The following FANCC variants were observed in gnomAD, a reference collection of about 807,000 sequenced individuals.
FANCC encodes the protein FA complementation group C, also known as Fanconi anemia group C protein.
FANCC carries 55 observed loss-of-function variants against 71.3 expected under a neutral mutation model. That is an observed-to-expected ratio of 0.77 (90% CI 0.62 to 0.97). FANCC has a LOEUF of 0.97. Among genes scored for constraint, FANCC ranks in the 50% least tolerant of loss-of-function variants. The pLI is 0.00. For synonymous variants in FANCC, 275 were observed against 244.9 expected, an observed-to-expected ratio of 1.12 and a Z score of -1.15; for missense variants, 678 against 670.9, an observed-to-expected ratio of 1.01 and a Z score of -0.12.
chr9:95,179,219 T>C (rs1426567437), intron 4 of FANCC, among the ~76,000 whole-genome samples: 5 of 152,206 alleles, frequency 3.3e-5, no homozygotes, highest in African/African-American at 4.8e-5. Flanking sequence ...AAAGAGACCT[T>C]GTAGTTAGCA....
At chr9:95,174,258 T>C (rs1224716085) in intron 4 of FANCC, among the ~76,000 whole-genome samples, 6 of 152,100 alleles carry the variant, frequency 3.9e-5, no homozygotes, top group Non-Finnish European at 7.4e-5. Flanking sequence ...TGTCTTCACA[T>C]GGTGAAAGGG....
chr9:95,215,526 G>A (rs561357581), intron 4 of FANCC, among the ~76,000 whole-genome samples: 90 of 152,312 alleles, frequency 5.9e-4, no homozygotes, highest in Non-Finnish European at 8.8e-4. Context: ...TCCTCCCCCC[G>A]AAAGGTGGGG....
intron 1 of FANCC, among the ~76,000 whole-genome samples, chr9:95,276,910 T>C (rs980203906): frequency 6.6e-6 from 1 of 152,232 alleles, no homozygotes; most frequent in African/African-American, 2.4e-5. Flanking sequence ...CTTTTACTAC[T>C]ATTTTCGCAA....
At chr9:95,223,422 A>G (rs1829406182) in intron 4 of FANCC, among the ~76,000 whole-genome samples, 1 of 152,184 alleles carries the variant, frequency 6.6e-6, no homozygotes, top group South Asian at 2.1e-4. Flanking sequence ...TCCCCTCTTT[A>G]TAAAGACAAG....
At chr9:95,245,667 C>A (rs1201488059) in intron 3 of FANCC, among the ~76,000 whole-genome samples, 1 of 151,764 alleles carries the variant, frequency 6.6e-6, no homozygotes, top group Admixed American at 6.6e-5. Flanking sequence ...GAGGTCGAGG[C>A]GGGTGAATCG....
intron 1 of FANCC, among the ~76,000 whole-genome samples, chr9:95,298,421 G>A (rs923485590): frequency 2.6e-5 from 4 of 152,196 alleles, no homozygotes; most frequent in African/African-American, 9.7e-5. Flanking sequence ...TAGGCAGTGG[G>A]TATGTGAGGA....
At chr9:95,205,636 C>T (rs1828076733) in intron 4 of FANCC, among the ~76,000 whole-genome samples, 1 of 151,358 alleles carries the variant, frequency 6.6e-6, no homozygotes. Context: ...ACATTTATTA[C>T]TTAAAATAAC....
chr9:95,215,670 C>G (rs933217943), intron 4 of FANCC, among the ~76,000 whole-genome samples: 1 of 152,188 alleles, frequency 6.6e-6, no homozygotes, highest in East Asian at 1.9e-4. Flanking sequence ...CTTGGGGACA[C>G]TCTCATGAAA....
At chr9:95,179,504 G>A (rs547361340) in intron 4 of FANCC, among the ~76,000 whole-genome samples, 3 of 152,090 alleles carry the variant, frequency 2.0e-5, no homozygotes, top group Admixed American at 6.5e-5. Flanking sequence ...GTGCCACCAC[G>A]CCCAGCTAAT....
chr9:95,111,382 CA>C lies in FANCC; in HGVS notation c.1329+80del, dbSNP rs1351569925. 13 of 1,597,144 alleles carry C rather than the reference CA, an allele frequency of 8.1e-6. No homozygotes were observed. The Admixed American group carries it at 1.8e-4, about 23-fold the overall frequency. On this transcript the variant is annotated intron_variant, in intron 13 of 14. Coordinates refer to ENST00000289081, the MANE Select transcript of FANCC (RefSeq NM_000136.3). The stretch of plus-strand genomic sequence containing the variant: ...GCTCAGGTGTCATGGAAGCCAAGCC[CA>C]CAACAGAGCCCCTCTCTGCAAGCTC...
At chr9:95,228,519 G>C (rs765559570) in intron 4 of FANCC, among the ~76,000 whole-genome samples, 5 of 152,164 alleles carry the variant, frequency 3.3e-5, no homozygotes, top group Non-Finnish European at 5.9e-5. Flanking sequence ...AATAATCACT[G>C]AACGCTTACT....
At chr9:95,202,668 T>C (rs1349275271) in intron 4 of FANCC, among the ~76,000 whole-genome samples, 2 of 152,206 alleles carry the variant, frequency 1.3e-5, no homozygotes, top group African/African-American at 4.8e-5. Flanking sequence ...TCTAAAGGAT[T>C]GGTTACAAAG....
At chr9:95,195,364 C>G (rs1302089906) in intron 4 of FANCC, among the ~76,000 whole-genome samples, 1 of 151,588 alleles carries the variant, frequency 6.6e-6, no homozygotes, top group Non-Finnish European at 1.5e-5. Flanking sequence ...TGCAAAAGCA[C>G]CATTTGTTGA....
intron 10 of FANCC, among the ~76,000 whole-genome samples, chr9:95,124,360 G>C (rs1331478637): frequency 6.6e-6 from 1 of 152,172 alleles, no homozygotes; most frequent in Non-Finnish European, 1.5e-5. Flanking sequence ...AAATATATAT[G>C]CTGAAAGGTG....
At chr9:95,153,973 T>C (rs1020464474) in intron 6 of FANCC, among the ~76,000 whole-genome samples, 1 of 152,060 alleles carries the variant, frequency 6.6e-6, no homozygotes, top group Non-Finnish European at 1.5e-5. Context: ...GGGCTGGGTG[T>C]GGTGGCTCAT....
chr9:95,301,422 T>C (rs906327518), intron 1 of FANCC, among the ~76,000 whole-genome samples: 2 of 151,310 alleles, frequency 1.3e-5, no homozygotes, highest in Non-Finnish European at 2.9e-5. Flanking sequence ...GGGTTTTTTG[T>C]TTTTTTTGGT....
intron 10 of FANCC, among the ~76,000 whole-genome samples, chr9:95,118,579 C>T (rs1338247034): frequency 2.0e-5 from 3 of 152,202 alleles, no homozygotes; most frequent in Non-Finnish European, 2.9e-5. Context: ...TCATTCCCTC[C>T]ACCCCACCCT....
chr9:95,240,322 G>A (rs1304025471), intron 4 of FANCC, among the ~76,000 whole-genome samples: 1 of 152,198 alleles, frequency 6.6e-6, no homozygotes, highest in Non-Finnish European at 1.5e-5. Flanking sequence ...CAGGTTGATA[G>A]GGAAAAACAA....
rs560116101 is a variant in FANCC at position 95,126,394 on chromosome 9, C to CA, written c.896+134dup. On this transcript the variant is annotated intron_variant, in intron 9 of 14. Transcript: ENST00000289081. Reference sequence around the variant, plus strand: ...TTTTACCTCTAATTACCAAAAAGCTCAGAGGAACAGGAGGGAATCAGAAAC... The same window carrying CA: ...TTTTACCTCTAATTACCAAAAAGCTCAAGAGGAACAGGAGGGAATCAGAAAC... 24 of 868,916 alleles carry CA rather than the reference C, an allele frequency of 2.8e-5. No individual in the cohort carries two copies. The South Asian group carries it at 3.4e-4, about 12-fold the overall frequency. 53.8% of individuals were successfully genotyped at this position (868,916 alleles called of 1,614,324 possible).
Sources: allele counts gnomAD v4.1 joint callset (sites outside exome capture counted in the v4.1 genomes callset), GRCh38; gene constraint gnomAD v4.1.1; transcripts MANE v1.5; gene names NCBI Gene and HGNC (gene_info 2026-07-23, HGNC 2026-07-21).